Variants in RREB1 observed in about 807,000 individuals in gnomAD.
RREB1 encodes the protein ras responsive element binding protein 1, also known as ras-responsive element-binding protein 1.
Under a neutral mutation model 117.8 loss-of-function variants are expected in RREB1, and 27 were observed. The observed-to-expected ratio is 0.23, with a 90% CI of 0.17 to 0.32. RREB1 has a LOEUF of 0.32. RREB1 is among the 10% of genes least tolerant of loss of function. The pLI, the probability that RREB1 is intolerant of heterozygous loss-of-function variation, is 1.00. For missense variants in RREB1, 2,577 were observed against 2,378.2 expected, an observed-to-expected ratio of 1.08 and a Z score of -1.74; for synonymous variants, 1,298 against 1,026.7, an observed-to-expected ratio of 1.26 and a Z score of -5.05.
intron 8 of RREB1, among the ~76,000 whole-genome samples, chr6:7,224,286 A>T (rs527385889): frequency 6.6e-6 from 1 of 152,356 alleles, no homozygotes; most frequent in South Asian, 2.1e-4. Context: ...ATATTGCATT[A>T]TATATCTTTT....
chr6:7,108,993 C>T (rs1760992173), intron 1 of RREB1, among the ~76,000 whole-genome samples: 1 of 150,550 alleles, frequency 6.6e-6, no homozygotes, highest in Non-Finnish European at 1.5e-5. Context: ...TTCGTGGGAG[C>T]CCTCGGTGTG....
chr6:7,223,737 T>C (rs1184357462), intron 8 of RREB1, among the ~76,000 whole-genome samples: 2 of 152,138 alleles, frequency 1.3e-5, no homozygotes, highest in African/African-American at 2.4e-5. Context: ...ACATACACAT[T>C]CTCAGCTAAA....
Position 7,188,240 on chromosome 6 carries a change from T to TGTGTGTGTGTGCGC in RREB1, c.261+728_261+729insCGCGTGTGTGTGTG, listed in dbSNP as rs1448054312. On this transcript the variant is annotated intron_variant, in intron 5 of 12. Transcript: ENST00000379938. Reference sequence around the variant, plus strand: ...TCCCCCCCACACGTGTGTGTGTGTGTGTGTGTGTGTGTGCGCGCGCGCACG... The same window carrying TGTGTGTGTGTGCGC: ...TCCCCCCCACACGTGTGTGTGTGTGTGTGTGTGTGTGCGCGTGTGTGTGTGTGCGCGCGCGCACG... Among the ~76,000 whole-genome samples the TGTGTGTGTGTGCGC allele has an allele frequency of 8.9e-4, 135 of 150,972 alleles. 2 individuals carry two copies. Among genetic ancestry groups the TGTGTGTGTGTGCGC allele is most frequent in the African/African-American group, 3.1e-3 (128 of 41,164 alleles).
At chr6:7,218,296 A>G (rs1307783523) in intron 8 of RREB1, 1 of 152,242 alleles carries the variant, frequency 6.6e-6, no homozygotes, top group African/African-American at 2.4e-5. Context: ...GAGTTACATG[A>G]CAGAGAAGAG....
chr6:7,223,046 G>A (rs1204455540), intron 8 of RREB1, among the ~76,000 whole-genome samples: 1 of 151,976 alleles, frequency 6.6e-6, no homozygotes, highest in African/African-American at 2.4e-5. Context: ...CTTGAGCCCA[G>A]GAGTTCGAGA....
chr6:7,114,423 AG>A (rs1761288740), intron 1 of RREB1, among the ~76,000 whole-genome samples: 1 of 144,222 alleles, frequency 6.9e-6, no homozygotes. Flanking sequence ...GTTTGCCCCC[AG>A]GGGACTTTTG....
At chr6:7,173,233 G>A (rs1272518347) in intron 1 of RREB1, among the ~76,000 whole-genome samples, 1 of 152,032 alleles carries the variant, frequency 6.6e-6, no homozygotes, top group Non-Finnish European at 1.5e-5. Context: ...CATTTCCTGG[G>A]GGCCTTAGGA....
At chr6:7,145,558 C>T (rs1330845098) in intron 1 of RREB1, among the ~76,000 whole-genome samples, 1 of 152,080 alleles carries the variant, frequency 6.6e-6, no homozygotes, top group Non-Finnish European at 1.5e-5. Context: ...CTTGATGCTT[C>T]CTTCTCACCT....
rs146751718 is a variant in RREB1, at chr6:7,221,209, C to T, written c.708-5258C>T. 2.2e-4 allele frequency among the ~76,000 whole-genome samples: 33 copies of T among 151,836 alleles called. No homozygotes were observed. In the East Asian group the frequency reaches 2.7e-3, roughly 12 times the overall value. ...CGGAGTCTCGCTCTGTCGCCCAGGCCGGACTGCGGACTGCAGTGGCGCAAT... is the reference window on the plus strand; with the variant it reads ...CGGAGTCTCGCTCTGTCGCCCAGGCTGGACTGCGGACTGCAGTGGCGCAAT... On this transcript the variant is annotated intron_variant, in intron 8 of 12. Coordinates refer to ENST00000379938, the MANE Select transcript of RREB1 (RefSeq NM_001003699.4).
chr6:7,120,270 G>A (rs919818510), intron 1 of RREB1, among the ~76,000 whole-genome samples: 4 of 151,976 alleles, frequency 2.6e-5, no homozygotes, highest in South Asian at 4.2e-4. Context: ...GGACAACAAG[G>A]TAAAAAACCC....
At chr6:7,177,430 C>T (rs1307460052) in intron 2 of RREB1, among the ~76,000 whole-genome samples, 1 of 151,640 alleles carries the variant, frequency 6.6e-6, no homozygotes, top group Non-Finnish European at 1.5e-5. Context: ...AACTGGAACA[C>T]CAGGTTCATC....
At chr6:7,214,421 C>T (rs1399247269) in intron 8 of RREB1, 1 of 152,262 alleles carries the variant, frequency 6.6e-6, no homozygotes, top group South Asian at 2.1e-4. Flanking sequence ...GCCAGGCATC[C>T]TTTGTGGGGG....
chr6:7,250,186 G>A lies in RREB1; in HGVS notation c.*1218G>A, dbSNP rs1315405271. 1 of 152,308 alleles carries A rather than the reference G, an allele frequency of 6.6e-6. No individual in the cohort carries two copies. The highest frequency in any genetic ancestry group is 2.4e-5 in the African/African-American group (1 of 41,426). 9.4% of individuals were successfully genotyped at this position (152,308 alleles called of 1,614,324 possible). ...GTGACCAGGCACATTACTCGTGAGC[G>A]AGGTATTCCCAGTCTTCCTGCTAAG... On this transcript the variant is annotated 3_prime_UTR_variant, in exon 13 of 13. Transcript: ENST00000379938.
At chr6:7,159,943 T>C (rs1054570483) in intron 1 of RREB1, among the ~76,000 whole-genome samples, 1 of 152,190 alleles carries the variant, frequency 6.6e-6, no homozygotes, top group Non-Finnish European at 1.5e-5. Flanking sequence ...CTTATCAACC[T>C]AAGCATGTCA....
rs1036500722 is a variant in RREB1 at position 7,250,848 on chromosome 6, A to G, written c.*1880A>G. On this transcript the variant is annotated 3_prime_UTR_variant, in exon 13 of 13. Transcript: ENST00000379938. ...GGTATATATGATTTTTAACTGTATT[A>G]GGGGTGTATGAACCAGTTTAAAAAC... is the stretch of plus-strand genomic sequence containing the variant. 1 of 152,176 alleles carries G rather than the reference A, an allele frequency of 6.6e-6. No homozygotes were observed. Among genetic ancestry groups the G allele is most frequent in the African/African-American group, 2.4e-5 (1 of 41,436 alleles). 9.4% of individuals were successfully genotyped at this position (152,176 alleles called of 1,614,324 possible).
chr6:7,211,939 A>G, intron 8 of RREB1: 1 of 543,486 alleles, frequency 1.8e-6, no homozygotes, highest in Admixed American at 3.3e-5. Context: ...TCTTTCTCTC[A>G]GCAAAGCCCC....
chr6:7,131,951 T>C (rs1210444115), intron 1 of RREB1, among the ~76,000 whole-genome samples: 1 of 151,890 alleles, frequency 6.6e-6, no homozygotes, highest in East Asian at 1.9e-4. Context: ...CTTCACCTCC[T>C]GGGTTCCTGT....
In RREB1 at chr6:7,229,989, C is replaced by A; in HGVS notation, c.1890C>A (p.Pro630=). Residue 630 remains proline (P), a synonymous_variant, in exon 10 of 13, where the codon CCC becomes CCA. Coordinates refer to ENST00000379938, the MANE Select transcript of RREB1 (RefSeq NM_001003699.4). The surrounding 1 kb of genome is among the most constrained non-coding windows in gnomAD (Gnocchi z 4.5). Reference sequence around the variant, plus strand: ...AACTCAAGGCCTTCATGACAGCGCCCGGCGGCAAGAAGACGCCCGCCATGC... The same window carrying A: ...AACTCAAGGCCTTCATGACAGCGCCAGGCGGCAAGAAGACGCCCGCCATGC... ...EGELKAFMTA[P]GGKKTPAMRK... The A allele has an allele frequency of 2.5e-6, 4 of 1,607,318 alleles. No individual in the cohort carries two copies. Among genetic ancestry groups the A allele is most frequent in the Non-Finnish European group, 3.4e-6 (4 of 1,175,546 alleles).
intron 1 of RREB1, among the ~76,000 whole-genome samples, chr6:7,165,556 G>T (rs538864467): frequency 1.3e-5 from 2 of 151,746 alleles, no homozygotes; most frequent in African/African-American, 4.9e-5. Context: ...GATTGAGAAT[G>T]TTCCCATTAC....
Sources: allele counts gnomAD v4.1 joint callset (sites outside exome capture counted in the v4.1 genomes callset), GRCh38; gene constraint gnomAD v4.1.1; non-coding constraint Gnocchi (gnomAD v3.1); transcripts MANE v1.5; gene names NCBI Gene and HGNC (gene_info 2026-07-23, HGNC 2026-07-21).